Variants in SSC5D observed in about 807,000 individuals in gnomAD.
The protein encoded by SSC5D is scavenger receptor cysteine rich family member with 5 domains, also known as soluble scavenger receptor cysteine-rich domain-containing protein SSC5D.
In SSC5D, 106 loss-of-function variants were observed where a neutral mutation model predicts 104.6. That is an observed-to-expected ratio of 1.01 (90% CI 0.87 to 1.19). The LOEUF is 1.19. Among genes scored for constraint, SSC5D ranks in the 50% most tolerant of loss-of-function variants. The pLI is 0.00. For synonymous variants in SSC5D, 860 were observed against 883.5 expected (o/e 0.97, Z 0.47); for missense variants, 1,993 against 2,153.8 (o/e 0.93, Z 1.48).
chr19:55,491,206 C>A, intron 6 of SSC5D, 126 bp downstream of exon 6: 1 of 1,075,080 alleles, frequency 9.3e-7, no homozygotes, highest in Non-Finnish European at 1.3e-6. Flanking sequence ...TCTGCATGCC[C>A]AGCGCCCACT....
rs1179973496 is a variant in SSC5D, at chr19:55,490,755, C to T, written c.587-17C>T. On this transcript the variant is annotated splice_polypyrimidine_tract_variant and intron_variant, in intron 5 of 13. Transcript: ENST00000389623. ...TTTCTCACTGGCCACACCGTCCCCT[C>T]CCTGCTCACCCCACAGAGCGGCTGC... 6.7e-7 allele frequency: 1 copy of T among 1,484,838 alleles called. No homozygotes were observed. The highest frequency in any genetic ancestry group is 8.9e-7 in the Non-Finnish European group (1 of 1,121,412). The allele number at this position is 1,484,838 out of a possible 1,614,324, so 92.0% of individuals were successfully genotyped here. A position where few individuals can be genotyped will look rare whatever the true frequency, so the allele number is the denominator to read the frequency against.
chr19:55,518,828 C>T lies in SSC5D; in HGVS notation c.4552C>T (p.Arg1518Cys), dbSNP rs1217087641. ...TQVVEQERQE[R>C]QALLLGLTQL... ...GGTCGTGGAACAGGAGCGGCAGGAG[C>T]GCCAAGCCCTGCTGCTGGGGCTGAC... The change falls in exon 14 of 14, where the codon CGC (arginine) becomes TGC (cysteine). Residue 1518 changes from arginine (R) to cysteine (C), a missense_variant. Coordinates refer to ENST00000389623, the MANE Select transcript of SSC5D (RefSeq NM_001144950.2). 23 of 1,550,186 alleles carry T rather than the reference C, an allele frequency of 1.5e-5. No homozygotes were observed. The highest frequency in any genetic ancestry group is 4.8e-5 in the South Asian group (4 of 84,062).
chr19:55,502,086 A>G (rs964777361), intron 12 of SSC5D, among the ~76,000 whole-genome samples: 1 of 152,048 alleles, frequency 6.6e-6, no homozygotes, highest in Non-Finnish European at 1.5e-5. Flanking sequence ...ATTTTTGTAG[A>G]GACGGGCTCA....
At chr19:55,493,993 G>GGT (rs1987239418) in intron 7 of SSC5D, 81 bp downstream of exon 7, 3 of 247,914 alleles carry the variant, frequency 1.2e-5, no homozygotes, top group Non-Finnish European at 1.6e-5. Flanking sequence ...GGGGCGGGGG[G>GGT]GTCCCTACGC....
At chr19:55,495,402 A>ATT (rs548084625) in intron 8 of SSC5D, among the ~76,000 whole-genome samples, 9 of 135,482 alleles carry the variant, frequency 6.6e-5, no homozygotes, top group Non-Finnish European at 1.1e-4. Context: ...AATTTTTTGT[A>ATT]TTTTTTTTTT....
At position 55,500,986 on chromosome 19, in the gene SSC5D, C is replaced by T; in HGVS notation, c.2618-48C>T. The T allele has an allele frequency of 6.5e-7, 1 of 1,548,546 alleles. No homozygotes were observed. Among genetic ancestry groups the T allele is most frequent in the South Asian group, 1.2e-5 (1 of 83,818 alleles). ...GGGGAGGGAAGAGCAGCAGCAAGGACCTCTGAGAAAGAGGATGGGGTCAAC... is the reference window on the plus strand; with the variant it reads ...GGGGAGGGAAGAGCAGCAGCAAGGATCTCTGAGAAAGAGGATGGGGTCAAC... On this transcript the variant is annotated intron_variant, in intron 11 of 13. Transcript: ENST00000389623. The surrounding 1 kb of genome is among the most constrained non-coding windows in gnomAD (Gnocchi z 4.6).
Position 55,518,182 on chromosome 19 carries a change from C to G in SSC5D, c.3906C>G (p.Thr1302=). The G allele has an allele frequency of 6.9e-7, 1 of 1,451,334 alleles. No homozygotes were observed. Among genetic ancestry groups the G allele is most frequent in the Non-Finnish European group, 9.2e-7 (1 of 1,089,362 alleles). 89.9% of individuals were successfully genotyped at this position (1,451,334 alleles called of 1,614,324 possible). ...ACCCCACCACAACCCCTCACCCCAC[C>G]ATGACTCCTGACCCCACCACGACCC... ...TPHPTTTPHP[T]MTPDPTTTPY... is the part of the protein sequence containing the mutation. Residue 1302 remains threonine (T), a synonymous_variant, in exon 14 of 14, where the codon ACC becomes ACG. Transcript: ENST00000389623.
At chr19:55,512,987 A>G (rs1250212888) in intron 12 of SSC5D, 24 bp from the exon 13 acceptor site, 7 of 1,551,708 alleles carry the variant, frequency 4.5e-6, no homozygotes, top group African/African-American at 1.4e-5. Flanking sequence ...GGAAGACTCA[A>G]TCCTCTTCCC....
chr19:55,498,235 C>T (rs1987381355), intron 9 of SSC5D, 38 bp downstream of exon 9: 1 of 1,546,010 alleles, frequency 6.5e-7, no homozygotes, highest in African/African-American at 1.4e-5. Context: ...TCCAGGAGGG[C>T]TTCCTGGAGG....
At chr19:55,493,994 G>GGGGGGGGGGTT in intron 7 of SSC5D, 82 bp downstream of exon 7, 1 of 143,314 alleles carries the variant, frequency 7.0e-6, no homozygotes, top group Non-Finnish European at 1.4e-5. Flanking sequence ...GGGCGGGGGG[G>GGGGGGGGGGTT]TCCCTACGCG....
In SSC5D at chr19:55,500,762, C is replaced by T. The variant is rs1249841717; in HGVS notation, c.2575C>T (p.His859Tyr). ...SDCPSGAWGK[H>Y]NCDHEEDVGL... ...CTGCCCCTCGGGGGCTTGGGGGAAG[C>T]ACAACTGTGACCACGAGGAAGACGT... Residue 859 changes from histidine (H) to tyrosine (Y), a missense_variant, in exon 11 of 14, where the codon CAC becomes TAC. This residue lies in a region of SSC5D where 423 missense variants were observed against 409.2 expected (regional missense o/e 1.03). Coordinates refer to ENST00000389623, the MANE Select transcript of SSC5D (RefSeq NM_001144950.2). The surrounding 1 kb of genome is among the most constrained non-coding windows in gnomAD (Gnocchi z 4.6). The T allele has an allele frequency of 5.8e-6, 9 of 1,551,260 alleles. No individual in the cohort carries two copies. Among genetic ancestry groups the T allele is most frequent in the Non-Finnish European group, 7.8e-6 (9 of 1,146,864 alleles).
chr19:55,488,650 C>A, intron 1 of SSC5D, 36 bp downstream of exon 1: 1 of 1,541,304 alleles, frequency 6.5e-7, no homozygotes, highest in Non-Finnish European at 8.8e-7. Flanking sequence ...CTCGGGGGGC[C>A]TAGGCCCCCA....
intron 12 of SSC5D, among the ~76,000 whole-genome samples, chr19:55,505,421 C>G (rs1987618225): frequency 6.6e-6 from 1 of 151,814 alleles, no homozygotes; most frequent in Non-Finnish European, 1.5e-5. Context: ...AGATCTGTAT[C>G]TATTTCAATT....
chr19:55,491,071 G>C lies in SSC5D; in HGVS notation c.886G>C (p.Val296Leu). ...NCDHSEDAGL[V>L]CTGPAPRLRL... Reference sequence around the variant, plus strand: ...TGACCACAGCGAGGATGCGGGGCTGGTCTGCACCGGTACGTCGGGCTGGGG... The same window carrying C: ...TGACCACAGCGAGGATGCGGGGCTGCTCTGCACCGGTACGTCGGGCTGGGG... The change falls in exon 6 of 14, where the codon GTC becomes CTC. Residue 296 changes from valine (V) to leucine (L), a missense_variant. Physicochemically the swap from Val to Leu is conservative, Grantham distance 32. Around this residue, in one of 6 missense-constraint regions of SSC5D, gnomAD observed 1,101 missense variants for 1,085.0 expected, o/e 1.01. Transcript: ENST00000389623. 6.5e-7 allele frequency: 1 copy of C among 1,549,368 alleles called. No individual in the cohort carries two copies. The highest frequency in any genetic ancestry group is 2.0e-5 in the Admixed American group (1 of 50,770).
Position 55,518,282 on chromosome 19 carries a change from A to G in SSC5D, c.4006A>G (p.Ile1336Val), listed in dbSNP as rs930908699. ...TTPDPSSTPV[I>V]TTVSLPTSLG... ...TCCTGACCCTTCCTCAACCCCTGTC[A>G]TCACTACTGTGTCCCTTCCAACCTC... is the stretch of plus-strand genomic sequence containing the variant. Residue 1336 changes from isoleucine to valine, a missense_variant, in exon 14 of 14, where the codon ATC becomes GTC. By Grantham distance (29) the Ile-to-Val change is conservative. Around this residue, in one of 6 missense-constraint regions of SSC5D, gnomAD observed 349 missense variants for 397.6 expected, o/e 0.88. Transcript: ENST00000389623. The G allele has an allele frequency of 4.2e-5, 64 of 1,519,740 alleles. No homozygotes were observed. Among genetic ancestry groups the G allele is most frequent in the Non-Finnish European group, 5.4e-5 (62 of 1,138,336 alleles). The allele number at this position is 1,519,740 out of a possible 1,614,324, so 94.1% of individuals were successfully genotyped here.
intron 12 of SSC5D, among the ~76,000 whole-genome samples, chr19:55,502,365 C>T (rs748211176): frequency 6.6e-6 from 1 of 151,090 alleles, no homozygotes; most frequent in Non-Finnish European, 1.5e-5. Context: ...CATTTTTTTT[C>T]TTTCGTTGTC....
intron 12 of SSC5D, among the ~76,000 whole-genome samples, chr19:55,512,182 A>C (rs1987771630): frequency 8.0e-6 from 1 of 124,298 alleles, no homozygotes; most frequent in Non-Finnish European, 1.7e-5. Flanking sequence ...CCTGGGTGGC[A>C]GAGTGAGACT....
chr19:55,515,353 G>T (rs936403893), intron 13 of SSC5D, among the ~76,000 whole-genome samples: 6 of 133,816 alleles, frequency 4.5e-5, no homozygotes, highest in African/African-American at 1.4e-4. Context: ...CCAAGATCGC[G>T]CCACTGCACT....
intron 9 of SSC5D, 73 bp from the exon 10 acceptor site, chr19:55,499,743 A>C: frequency 8.4e-7 from 1 of 1,186,730 alleles, no homozygotes; most frequent in Non-Finnish European, 1.2e-6. Flanking sequence ...ACTGGAGAGA[A>C]GGAGGGGCCT....
Sources: gnomAD v4.1 joint callset for allele counts (sites outside exome capture counted in the v4.1 genomes callset) on GRCh38, gnomAD v4.1.1 for gene constraint, gnomAD v4.1.1 regional missense constraint, Gnocchi (gnomAD v3.1) non-coding constraint, MANE v1.5 for transcripts, NCBI Gene and HGNC (gene_info 2026-07-23, HGNC 2026-07-21) for gene names.